The following PRSS16 variants were observed in gnomAD, a reference collection of about 807,000 sequenced individuals.
The protein encoded by PRSS16 is serine protease 16.
A neutral mutation model predicts 61.7 loss-of-function variants in PRSS16; 43 were observed. The observed-to-expected ratio is 0.70, with a 90% confidence interval of 0.55 to 0.90. PRSS16 has a LOEUF of 0.90. Ranked by LOEUF, PRSS16 falls within the 40% of genes least tolerant of loss-of-function variation. The probability of loss-of-function intolerance (pLI) is 0.00; values close to 1 mark genes in which losing one functional copy is unlikely to be tolerated. For missense variants in PRSS16, 591 were observed against 659.1 expected (o/e 0.90, Z 1.13); for synonymous variants, 273 against 285.2 (o/e 0.96, Z 0.43).
rs777928730 is a variant in PRSS16, at chr6:27,255,144, A to G, written c.1476+13A>G. On this transcript the variant is annotated intron_variant, in intron 11 of 11. Coordinates refer to ENST00000230582, the MANE Select transcript of PRSS16 (RefSeq NM_005865.4). The surrounding 1 kb of genome is among the most constrained non-coding windows in gnomAD (Gnocchi z 4.4). ...CCTAGGGCGCCAGGTAAGAGAAAAA[A>G]GGCTCTGAATCATTTGCATTCTCAT... 6.2e-7 allele frequency: 1 copy of G among 1,614,066 alleles called. No homozygotes were observed. Among genetic ancestry groups the G allele is most frequent in the Non-Finnish European group, 8.5e-7 (1 of 1,180,000 alleles).
At position 27,250,996 on chromosome 6, in the gene PRSS16, G is replaced by A. The variant is rs767432579; in HGVS notation, c.592-46G>A. On this transcript the variant is annotated intron_variant, in intron 5 of 11. Transcript: ENST00000230582. ...GTGACACAGAGGCAGAAAGATATGCGATTCCAACCCCTCAGCCCGCAGGCT... is the reference window on the plus strand; with the variant it reads ...GTGACACAGAGGCAGAAAGATATGCAATTCCAACCCCTCAGCCCGCAGGCT... 4 of 1,605,892 alleles carry A rather than the reference G, an allele frequency of 2.5e-6. No homozygotes were observed. In the South Asian group the frequency reaches 3.3e-5, roughly 13 times the overall value.
At chr6:27,248,981 GC>G (rs1219456175) in intron 3 of PRSS16, 35 bp downstream of exon 3, 2 of 1,571,198 alleles carry the variant, frequency 1.3e-6, no homozygotes, top group Non-Finnish European at 1.7e-6. Context: ...GAGTTGGGAT[GC>G]TGGTGGGGAC....
chr6:27,248,760 T>C, intron 2 of PRSS16, 87 bp from the exon 3 acceptor site: 2 of 848,248 alleles, frequency 2.4e-6, no homozygotes, highest in Non-Finnish European at 3.7e-6. Context: ...AAAGATCCAT[T>C]AGGAAGAGAG....
rs1759954324 is a variant in PRSS16 at position 27,253,090 on chromosome 6, AG to A, written c.1150+143del. ...TAACCTGCAGATGTTGGGCTGGAGAAGGTGGAAGCCATACTAGTGTATGCAT... is the reference window on the plus strand; with the variant it reads ...TAACCTGCAGATGTTGGGCTGGAGAAGTGGAAGCCATACTAGTGTATGCAT... On this transcript the variant is annotated intron_variant, in intron 9 of 11. Coordinates refer to ENST00000230582, the MANE Select transcript of PRSS16 (RefSeq NM_005865.4). 3 of 1,120,958 alleles carry A rather than the reference AG, an allele frequency of 2.7e-6. No homozygotes were observed. The African/African-American group carries it at 4.6e-5, about 17-fold the overall frequency. The allele number at this position is 1,120,958 out of a possible 1,614,324, so 69.4% of individuals were successfully genotyped here.
Position 27,251,996 on chromosome 6 carries a change from C to A in PRSS16, c.964C>A (p.Arg322Ser), listed in dbSNP as rs1759922908. Residue 322 changes from arginine to serine, a missense_variant, in exon 8 of 12, where the codon CGC becomes AGC. By Grantham distance (110) the Arg-to-Ser change is moderately radical. Transcript: ENST00000230582. This position sits in a 1 kb window ranked among gnomAD's most constrained non-coding sequence, Gnocchi z 5.6. ...ACTTCTCCTCGGGGGCGGGGGCAAC[C>A]GCAGCCACTCCACGCCCTACTGCGG... is the stretch of plus-strand genomic sequence containing the variant. ...CGLLLGGGGN[R>S]SHSTPYCGLR... The A allele has an allele frequency of 1.3e-6, 2 of 1,580,790 alleles. No individual in the cohort carries two copies. The highest frequency in any genetic ancestry group is 8.6e-7 in the Non-Finnish European group (1 of 1,165,316).
chr6:27,255,804 A>G lies in PRSS16; in HGVS notation c.*489A>G, dbSNP rs1260930754. ...CTAATCTCCTTCTGTTTCTCTGAATATCTTCATTTCTATCTCTGTGTTTCT... is the reference window on the plus strand; with the variant it reads ...CTAATCTCCTTCTGTTTCTCTGAATGTCTTCATTTCTATCTCTGTGTTTCT... On this transcript the variant is annotated 3_prime_UTR_variant, in exon 12 of 12. Transcript: ENST00000230582. The surrounding 1 kb of genome is among the most constrained non-coding windows in gnomAD (Gnocchi z 4.4). 1 of 155,624 alleles carries G rather than the reference A, an allele frequency of 6.4e-6. No individual in the cohort carries two copies. Among genetic ancestry groups the G allele is most frequent in the African/African-American group, 2.4e-5 (1 of 41,128 alleles). The allele number at this position is 155,624 out of a possible 1,614,324, so 9.6% of individuals were successfully genotyped here. A position where few individuals can be genotyped will look rare whatever the true frequency, so the allele number is the denominator to read the frequency against.
rs1410171928 is a variant in PRSS16, at chr6:27,252,050, C to T, written c.1008+10C>T. 1 of 1,493,474 alleles carries T rather than the reference C, an allele frequency of 6.7e-7. No homozygotes were observed. The highest frequency in any genetic ancestry group is 1.4e-5 in the African/African-American group (1 of 70,628). The allele number at this position is 1,493,474 out of a possible 1,614,324, so 92.5% of individuals were successfully genotyped here. A position where few individuals can be genotyped will look rare whatever the true frequency, so the allele number is the denominator to read the frequency against. ...TCGTCGGGCGGTGCAGGTGAGCACT[C>T]CCTGGCACAGCTGGGAGGAGTTAGC... is the stretch of plus-strand genomic sequence containing the variant. On this transcript the variant is annotated intron_variant, in intron 8 of 11. Transcript: ENST00000230582. The surrounding 1 kb of genome is among the most constrained non-coding windows in gnomAD (Gnocchi z 4.2).
rs1761259039 is a variant in PRSS16 at position 27,248,001 on chromosome 6, C to A, written c.190C>A (p.Gln64Lys). 1.2e-6 allele frequency: 2 copies of A among 1,613,734 alleles called. No individual in the cohort carries two copies. Among genetic ancestry groups the A allele is most frequent in the Non-Finnish European group, 8.5e-7 (1 of 1,179,834 alleles). ...AALPKVGWLE[Q>K]LLDPFNVSDR... ...CCTCCCAAAAGTGGGGTGGCTGGAG[C>A]AACTGCTGGACCCCTTCAACGTGTC... Residue 64 changes from glutamine (Q) to lysine (K), a missense_variant, in exon 2 of 12, where the codon CAA becomes AAA. By Grantham distance (53) the Gln-to-Lys change is moderately conservative (BLOSUM62 1). Transcript: ENST00000230582.
In PRSS16 at chr6:27,248,154, C is replaced by T. The variant is rs968918589; in HGVS notation, c.237+106C>T. 3.1e-6 allele frequency: 4 copies of T among 1,276,350 alleles called. No individual in the cohort carries two copies. The African/African-American group carries it at 6.0e-5, about 19-fold the overall frequency. 79.1% of individuals were successfully genotyped at this position (1,276,350 alleles called of 1,614,324 possible). ...TTTCTCTCTCCACACCTCAGTTCTC[C>T]CCATCCCTCTGCTTGAATCTCATGT... is the stretch of plus-strand genomic sequence containing the variant. On this transcript the variant is annotated intron_variant, in intron 2 of 11. Coordinates refer to ENST00000230582, the MANE Select transcript of PRSS16 (RefSeq NM_005865.4).
Position 27,254,783 on chromosome 6 carries a change from C to T in PRSS16, c.1241C>T (p.Ser414Leu). 2.5e-6 allele frequency: 4 copies of T among 1,614,226 alleles called. No homozygotes were observed. Among genetic ancestry groups the T allele is most frequent in the Non-Finnish European group, 3.4e-6 (4 of 1,180,038 alleles). ...LDLCEQVFGL[S>L]ALSVAQAVAQ... The stretch of plus-strand genomic sequence containing the variant: ...CTATGTGAGCAGGTGTTTGGGCTCT[C>T]AGCCTTGTCAGTAGCCCAGGCTGTG... Residue 414 changes from serine to leucine, a missense_variant, in exon 10 of 12, where the codon TCA (serine) becomes TTA (leucine). Coordinates refer to ENST00000230582, the MANE Select transcript of PRSS16 (RefSeq NM_005865.4).
chr6:27,249,300 G>C lies in PRSS16; in HGVS notation c.467+71G>C, dbSNP rs369777299. 5.7e-5 allele frequency: 88 copies of C among 1,537,260 alleles called. 2 individuals are homozygous for C. The Middle Eastern group carries it at 1.7e-3, about 29-fold the overall frequency. Reference sequence around the variant, plus strand: ...TCTGTGCTTTGGCATCTCTGCATCTGTGTCTCTCTCCTCCACTGTCTGAAG... The same window carrying C: ...TCTGTGCTTTGGCATCTCTGCATCTCTGTCTCTCTCCTCCACTGTCTGAAG... On this transcript the variant is annotated intron_variant, in intron 4 of 11. Coordinates refer to ENST00000230582, the MANE Select transcript of PRSS16 (RefSeq NM_005865.4).
chr6:27,255,525 T>C lies in PRSS16; in HGVS notation c.*210T>C, dbSNP rs548796755. On this transcript the variant is annotated 3_prime_UTR_variant, in exon 12 of 12. Transcript: ENST00000230582. This position sits in a 1 kb window ranked among gnomAD's most constrained non-coding sequence, Gnocchi z 4.4. ...AGAGAGTTATGGAAATATAAGTGGA[T>C]GATTATTCTCATTGTAAATATTGGT... is the stretch of plus-strand genomic sequence containing the variant. 4.5e-5 allele frequency: 24 copies of C among 537,036 alleles called. No individual in the cohort carries two copies. The East Asian group carries it at 6.3e-4, about 14-fold the overall frequency. The allele number at this position is 537,036 out of a possible 1,614,324, so 33.3% of individuals were successfully genotyped here.
rs891246674 is a variant in PRSS16 at position 27,252,076 on chromosome 6, G to A, written c.1008+36G>A. On this transcript the variant is annotated intron_variant, in intron 8 of 11. Coordinates refer to ENST00000230582, the MANE Select transcript of PRSS16 (RefSeq NM_005865.4). The surrounding 1 kb of genome is among the most constrained non-coding windows in gnomAD (Gnocchi z 4.2). ...CCTGGCACAGCTGGGAGGAGTTAGC[G>A]GACAAAGATTCCTGCCCCACTTCCG... 6 of 1,452,850 alleles carry A rather than the reference G, an allele frequency of 4.1e-6. No individual in the cohort carries two copies. The Admixed American group carries it at 1.5e-4, about 36-fold the overall frequency. The allele number at this position is 1,452,850 out of a possible 1,614,324, so 90.0% of individuals were successfully genotyped here.
chr6:27,254,964 C>T, intron 10 of PRSS16, 22 bp from the exon 11 acceptor site: 1 of 1,612,844 alleles, frequency 6.2e-7, no homozygotes, highest in African/African-American at 1.3e-5. Flanking sequence ...CTACCTAGCC[C>T]CATCCTATCC....
chr6:27,250,919 A>G, intron 5 of PRSS16, 113 bp downstream of exon 5: 2 of 1,561,432 alleles, frequency 1.3e-6, no homozygotes, highest in Non-Finnish European at 1.7e-6. Context: ...CCGCGCCCAA[A>G]GAATTTTGCA....
At position 27,248,028 on chromosome 6, in the gene PRSS16, G is replaced by C; in HGVS notation, c.217G>C (p.Asp73His). 6.2e-7 allele frequency: 1 copy of C among 1,613,648 alleles called. No homozygotes were observed. The highest frequency in any genetic ancestry group is 1.1e-5 in the South Asian group (1 of 90,970). The stretch of plus-strand genomic sequence containing the variant: ...ACTGCTGGACCCCTTCAACGTGTCC[G>C]ACAGACGATCCTTCCTACAGGTGAG... ...EQLLDPFNVS[D>H]RRSFLQRYWV... Residue 73 changes from aspartate to histidine, a missense_variant, in exon 2 of 12, where the codon GAC (aspartate) becomes CAC (histidine). Coordinates refer to ENST00000230582, the MANE Select transcript of PRSS16 (RefSeq NM_005865.4).
rs1760017347 is a variant in PRSS16 at position 27,255,769 on chromosome 6, A to G, written c.*454A>G. On this transcript the variant is annotated 3_prime_UTR_variant, in exon 12 of 12. Coordinates refer to ENST00000230582, the MANE Select transcript of PRSS16 (RefSeq NM_005865.4). This position sits in a 1 kb window ranked among gnomAD's most constrained non-coding sequence, Gnocchi z 4.4. ...CTTCCTCTCTCTTTCCCCTGTCACT[A>G]TTTGTCTTTCTAATCTCCTTCTGTT... 6.4e-6 allele frequency: 1 copy of G among 156,204 alleles called. No homozygotes were observed. The highest frequency in any genetic ancestry group is 1.9e-4 in the East Asian group (1 of 5,260). 9.7% of individuals were successfully genotyped at this position (156,204 alleles called of 1,614,324 possible). A position where few individuals can be genotyped will look rare whatever the true frequency, so the allele number is the denominator to read the frequency against.
rs747728515 is a variant in PRSS16 at position 27,254,741 on chromosome 6, T to C, written c.1199T>C (p.Leu400Pro). 1 of 1,614,046 alleles carries C rather than the reference T, an allele frequency of 6.2e-7. No homozygotes were observed. The part of the protein sequence containing the change: ...PRCPFSQLPA[L>P]PSQLDLCEQV... ...TGTCCTTTCTCCCAGCTCCCAGCAC[T>C]GCCCTCCCAGCTAGACCTATGTGAG... Residue 400 changes from leucine (L) to proline (P), a missense_variant, in exon 10 of 12, where the codon CTG (leucine) becomes CCG (proline). By Grantham distance (98) the Leu-to-Pro change is moderately conservative. Transcript: ENST00000230582.
intron 5 of PRSS16, 107 bp from the exon 6 acceptor site, chr6:27,250,935 T>C: frequency 6.4e-7 from 1 of 1,567,222 alleles, no homozygotes; most frequent in Non-Finnish European, 8.7e-7. Flanking sequence ...TTGCACAAGC[T>C]GTCCTCACAA....
Sources: allele counts gnomAD v4.1 joint callset, GRCh38; gene constraint gnomAD v4.1.1; non-coding constraint Gnocchi (gnomAD v3.1); transcripts MANE v1.5; gene names NCBI Gene and HGNC (gene_info 2026-07-23, HGNC 2026-07-21).